Variants in LARGE2 observed in about 807,000 individuals in gnomAD.
LARGE2 encodes xylosyl- and glucuronyltransferase LARGE2.
Under a neutral mutation model 75.3 loss-of-function variants are expected in LARGE2, and 63 were observed. That is an observed-to-expected ratio of 0.84 (90% CI 0.68 to 1.03). The LOEUF (loss-of-function observed/expected upper bound fraction) is 1.03. Ranked by LOEUF, LARGE2 falls within the 50% of genes least tolerant of loss-of-function variation. LARGE2 has a pLI of 0.00. For synonymous variants in LARGE2, 428 were observed against 420.1 expected, an observed-to-expected ratio of 1.02 and a Z score of -0.23; for missense variants, 925 against 980.6, an observed-to-expected ratio of 0.94 and a Z score of 0.76.
In LARGE2 at chr11:45,926,826, C is replaced by A. The variant is rs1370995975; in HGVS notation, c.1280C>A (p.Pro427His). ...VTFLPHEPPP[P>H]RPHDVTLVAQ... ...TTCCTGCCCCATGAACCGCCACCCC[C>A]CCGGCCTCACGATGTCACCCTTGTG... is the stretch of plus-strand genomic sequence containing the variant. Residue 427 changes from proline (P) to histidine (H), a missense_variant, in exon 10 of 14, where the codon CCC becomes CAC. By Grantham distance (77) the Pro-to-His change is moderately conservative. This residue lies in a region of LARGE2 where 469 missense variants were observed against 503.8 expected (regional missense o/e 0.93). Coordinates refer to ENST00000401752, the MANE Select transcript of LARGE2 (RefSeq NM_001300721.2). 1 of 1,613,346 alleles carries A rather than the reference C, an allele frequency of 6.2e-7. No individual in the cohort carries two copies. The highest frequency in any genetic ancestry group is 2.2e-5 in the East Asian group (1 of 44,878).
chr11:45,926,253 C>G lies in LARGE2; in HGVS notation c.914C>G (p.Pro305Arg), dbSNP rs758290070. Residue 305 changes from proline (P) to arginine (R), a missense_variant, in exon 8 of 14, where the codon CCG (proline) becomes CGG (arginine). Around this residue, in one of 3 missense-constraint regions of LARGE2, gnomAD observed 453 missense variants for 460.2 expected, o/e 0.98. Coordinates refer to ENST00000401752, the MANE Select transcript of LARGE2 (RefSeq NM_001300721.2). ...TTCAACGCTGTGATCAAGGAGCACC[C>G]GGGGCTAGTGCAGCGTCTGCCTTGT... The part of the protein sequence containing the change: ...DIFNAVIKEH[P>R]GLVQRLPCVW... 1.2e-6 allele frequency: 2 copies of G among 1,614,034 alleles called. No homozygotes were observed. The highest frequency in any genetic ancestry group is 2.7e-5 in the African/African-American group (2 of 74,924).
Position 45,928,617 on chromosome 11 carries a change from C to CAGAGG in LARGE2, c.1951-13_1951-12insAGAGG, listed in dbSNP as rs2087382499. 1 of 1,609,556 alleles carries CAGAGG rather than the reference C, an allele frequency of 6.2e-7. No homozygotes were observed. The highest frequency in any genetic ancestry group is 1.3e-5 in the African/African-American group (1 of 74,894). On this transcript the variant is annotated splice_polypyrimidine_tract_variant and intron_variant, in intron 13 of 13. Transcript: ENST00000401752. ...AAGCCAGGCAGCCACTGCTCCTCTG[C>CAGAGG]CCCACCCTGCAGGAATATGAGCTCC...
intron 3 of LARGE2, 97 bp from the exon 4 acceptor site, chr11:45,924,057 G>C: frequency 8.4e-7 from 1 of 1,186,000 alleles, no homozygotes; most frequent in Admixed American, 2.3e-5. Context: ...AAAGCTCTTT[G>C]CAGATGGCGC....
upstream of LARGE2, among the ~76,000 whole-genome samples, chr11:45,922,466 C>A (rs74652036): frequency 0.02 from 3,001 of 152,170 alleles, 100 homozygotes; most frequent in African/African-American, 0.067. Context: ...TCCCGCTCCC[C>A]CAGCCCTCCC....
In LARGE2 at chr11:45,923,528, C is replaced by T. The variant is rs2087011020; in HGVS notation, c.341C>T (p.Thr114Ile). 1 of 1,613,982 alleles carries T rather than the reference C, an allele frequency of 6.2e-7. No individual in the cohort carries two copies. Among genetic ancestry groups the T allele is most frequent in the South Asian group, 1.1e-5 (1 of 91,076 alleles). Residue 114 changes from threonine (T) to isoleucine (I), a missense_variant, in exon 3 of 14, where the codon ACC becomes ATC. By Grantham distance (89) the Thr-to-Ile change is moderately conservative (BLOSUM62 -1). Coordinates refer to ENST00000401752, the MANE Select transcript of LARGE2 (RefSeq NM_001300721.2). Reference protein sequence around the residue: ...AGHNSSRDVITLVKSMLFYRK... With the variant: ...AGHNSSRDVIILVKSMLFYRK... ...CATAACTCCAGCCGAGACGTCATCACCCTGGTGAAGTCCATGCTCTTCTAC... is the reference window on the plus strand; with the variant it reads ...CATAACTCCAGCCGAGACGTCATCATCCTGGTGAAGTCCATGCTCTTCTAC...
At chr11:45,922,331 G>A (rs551856952), upstream of LARGE2, among the ~76,000 whole-genome samples, 2 of 152,254 alleles carry the variant, frequency 1.3e-5, no homozygotes, top group African/African-American at 4.8e-5. Flanking sequence ...CAGTGTCTTT[G>A]ATCCCGGGCC....
chr11:45,924,428 C>G, intron 4 of LARGE2, 78 bp from the exon 5 acceptor site: 1 of 1,572,038 alleles, frequency 6.4e-7, no homozygotes, highest in Non-Finnish European at 8.6e-7. Flanking sequence ...CCCCTCTCCT[C>G]TGTGTCACTG....
At position 45,923,050 on chromosome 11, in the gene LARGE2, C is replaced by T. The variant is rs1029700080; in HGVS notation, c.168C>T (p.Val56=). 7.1e-6 allele frequency: 10 copies of T among 1,414,496 alleles called. No homozygotes were observed. The highest frequency in any genetic ancestry group is 9.2e-6 in the Non-Finnish European group (10 of 1,086,902). The allele number at this position is 1,414,496 out of a possible 1,614,324, so 87.6% of individuals were successfully genotyped here. ...TCCCCGGCCCGCTCATGCCACGTGTCCCCCCAGACGGGAGGCTGCGGAGAG... is the reference window on the plus strand; with the variant it reads ...TCCCCGGCCCGCTCATGCCACGTGTTCCCCCAGACGGGAGGCTGCGGAGAG... ...GCFPGPLMPR[V]PPDGRLRRAA... Residue 56 remains valine, a synonymous_variant, in exon 2 of 14, where the codon GTC becomes GTT. Transcript: ENST00000401752.
rs1375165438 is a variant in LARGE2 at position 45,926,885 on chromosome 11, G to A, written c.1325+14G>A. The A allele has an allele frequency of 6.2e-7, 1 of 1,601,542 alleles. No individual in the cohort carries two copies. The highest frequency in any genetic ancestry group is 8.5e-7 in the Non-Finnish European group (1 of 1,174,944). On this transcript the variant is annotated intron_variant, in intron 10 of 13. Transcript: ENST00000401752. ...GTCCATGGACCGGTGAGGGTGCAGA[G>A]GGCAGCCCAGGGGGTATGGCATGGG...
rs956854307 is a variant in LARGE2 at position 45,922,663 on chromosome 11, C to G, written c.-128C>G. On this transcript the variant is annotated 5_prime_UTR_variant, in exon 1 of 14. Transcript: ENST00000401752. The stretch of plus-strand genomic sequence containing the variant: ...GGGGCGGGACCGGCCCGCGCCTCTC[C>G]CCTGGTTCCCGCACCCTGGCCGGCG... The G allele has an allele frequency of 8.6e-6, 3 of 347,340 alleles. No individual in the cohort carries two copies. The highest frequency in any genetic ancestry group is 6.4e-5 in the African/African-American group (3 of 46,762). 21.5% of individuals were successfully genotyped at this position (347,340 alleles called of 1,614,324 possible). A position where few individuals can be genotyped will look rare whatever the true frequency, so the allele number is the denominator to read the frequency against.
chr11:45,926,209 T>G lies in LARGE2; in HGVS notation c.883-13T>G. Reference sequence around the variant, plus strand: ...AGGCTGGGGGCTGGGATGTGATGGGTGTCTCTGCTCAGGACATCTTCAACG... The same window carrying G: ...AGGCTGGGGGCTGGGATGTGATGGGGGTCTCTGCTCAGGACATCTTCAACG... On this transcript the variant is annotated splice_polypyrimidine_tract_variant and intron_variant, in intron 7 of 13. Transcript: ENST00000401752. 1 of 1,612,380 alleles carries G rather than the reference T, an allele frequency of 6.2e-7. No individual in the cohort carries two copies.
In LARGE2 at chr11:45,926,560, T is replaced by G; in HGVS notation, c.1127T>G (p.Phe376Cys). Residue 376 changes from phenylalanine to cysteine, a missense_variant, in exon 9 of 14, where the codon TTT becomes TGT. Coordinates refer to ENST00000401752, the MANE Select transcript of LARGE2 (RefSeq NM_001300721.2). The part of the protein sequence containing the change: ...YDGNLLRREL[F>C]VCPSQPPPGA... Reference sequence around the variant, plus strand: ...GGGAACCTGCTGCGGAGAGAGCTCTTTGTGTGCCCCAGCCAGCCCCCACCT... The same window carrying G: ...GGGAACCTGCTGCGGAGAGAGCTCTGTGTGTGCCCCAGCCAGCCCCCACCT... 2 of 1,614,034 alleles carry G rather than the reference T, an allele frequency of 1.2e-6. No homozygotes were observed. The highest frequency in any genetic ancestry group is 1.7e-6 in the Non-Finnish European group (2 of 1,180,000).
At chr11:45,927,658 C>A (rs1255516762) in intron 11 of LARGE2, 65 bp downstream of exon 11, 6 of 1,576,640 alleles carry the variant, frequency 3.8e-6, no homozygotes, top group Non-Finnish European at 4.3e-6. Flanking sequence ...TGCGTGGGAC[C>A]CCAGGCTTCC....
rs2087375040 is a variant in LARGE2 at position 45,928,582 on chromosome 11, C to A, written c.1951-48C>A. 2.5e-6 allele frequency: 4 copies of A among 1,590,838 alleles called. No individual in the cohort carries two copies. The African/African-American group carries it at 4.0e-5, about 16-fold the overall frequency. ...GTTCTCTGGAGCTGCACCTTCCCCG[C>A]AGGCCAGGCAAGCCAGGCAGCCACT... On this transcript the variant is annotated intron_variant, in intron 13 of 13. Coordinates refer to ENST00000401752, the MANE Select transcript of LARGE2 (RefSeq NM_001300721.2).
chr11:45,923,097 CG>C lies in LARGE2; in HGVS notation c.220del (p.Ala74ProfsTer43). On this transcript the variant is annotated frameshift_variant, in exon 2 of 14. Transcript: ENST00000401752. LOFTEE classifies it high-confidence loss of function. The stretch of plus-strand genomic sequence containing the variant: ...AGAGCCGCCGCCCTCGACGGAGACC[CG>C]GGGGCCGGCCCCGGGGACCACAACC... ...LRRAAALDGD[P>X]GAGPGDHNRS... 1.6e-5 allele frequency: 22 copies of C among 1,401,378 alleles called. No homozygotes were observed. The highest frequency in any genetic ancestry group is 6.1e-5 in the South Asian group (4 of 65,214). The allele number at this position is 1,401,378 out of a possible 1,614,324, so 86.8% of individuals were successfully genotyped here. A position where few individuals can be genotyped will look rare whatever the true frequency, so the allele number is the denominator to read the frequency against.
intron 2 of LARGE2, 24 bp downstream of exon 2, chr11:45,923,191 C>T (rs1460494092): frequency 1.5e-6 from 2 of 1,325,472 alleles, no homozygotes; most frequent in Non-Finnish European, 1.9e-6. Flanking sequence ...GCCCTGGCGG[C>T]GGGAGTCCTG....
Position 45,928,184 on chromosome 11 carries a change from G to A in LARGE2, c.1762G>A (p.Glu588Lys), listed in dbSNP as rs766003670. The A allele has an allele frequency of 1.2e-6, 2 of 1,613,444 alleles. No homozygotes were observed. The highest frequency in any genetic ancestry group is 1.7e-5 in the Admixed American group (1 of 60,012). ...CCCGACCCTGCTGCACAGGTACCACGAGTGGCCCCGAGGCCACGCACCCAC... is the reference window on the plus strand; with the variant it reads ...CCCGACCCTGCTGCACAGGTACCACAAGTGGCCCCGAGGCCACGCACCCAC... ...AGTLYTFRYH[E>K]WPRGHAPTDY... The change falls in exon 13 of 14, where the codon GAG becomes AAG. Residue 588 changes from glutamate to lysine, a missense_variant. Coordinates refer to ENST00000401752, the MANE Select transcript of LARGE2 (RefSeq NM_001300721.2).
intron 13 of LARGE2, 76 bp from the exon 14 acceptor site, chr11:45,928,554 C>T: frequency 6.4e-7 from 1 of 1,571,736 alleles, no homozygotes; most frequent in Non-Finnish European, 8.6e-7. Flanking sequence ...ACAGGGTAAG[C>T]CTGTTCTCTG....
chr11:45,927,489 C>A lies in LARGE2; in HGVS notation c.1500C>A (p.Pro500=). 5 of 1,614,224 alleles carry A rather than the reference C, an allele frequency of 3.1e-6. No individual in the cohort carries two copies. Among genetic ancestry groups the A allele is most frequent in the Non-Finnish European group, 4.2e-6 (5 of 1,180,038 alleles). Reference sequence around the variant, plus strand: ...TGTACCGTGAGGGGCCCCTATACCCCGTCAACCAGCTTCGCAACGTGGCCT... The same window carrying A: ...TGTACCGTGAGGGGCCCCTATACCCAGTCAACCAGCTTCGCAACGTGGCCT... ...HVVYREGPLY[P]VNQLRNVALA... Residue 500 remains proline, a synonymous_variant, in exon 11 of 14, where the codon CCC becomes CCA. Transcript: ENST00000401752.
Sources: allele counts gnomAD v4.1 joint callset (sites outside exome capture counted in the v4.1 genomes callset), GRCh38; gene constraint gnomAD v4.1.1; regional missense constraint gnomAD v4.1.1; transcripts MANE v1.5; gene names NCBI Gene and HGNC (gene_info 2026-07-23, HGNC 2026-07-21).